Variants in ARHGEF28 observed in about 807,000 individuals in gnomAD.
ARHGEF28 encodes the protein Rho guanine nucleotide exchange factor 28.
Under a neutral mutation model 206.6 loss-of-function variants are expected in ARHGEF28, and 152 were observed. The observed-to-expected ratio is 0.74, with a 90% CI of 0.64 to 0.84. The LOEUF (loss-of-function observed/expected upper bound fraction) is 0.84, where lower values mean the gene tolerates loss of function less well. ARHGEF28 is among the 40% of genes least tolerant of loss of function. The probability of loss-of-function intolerance (pLI) is 0.00; values close to 1 mark genes in which losing one functional copy is unlikely to be tolerated. For synonymous variants in ARHGEF28, 763 were observed against 776.4 expected (o/e 0.98, Z 0.29); for missense variants, 2,028 against 2,073.2 (o/e 0.98, Z 0.42).
chr5:73,832,481 A>G (rs1466248468), intron 10 of ARHGEF28, 22 bp downstream of exon 10: 1 of 1,607,048 alleles, frequency 6.2e-7, no homozygotes, highest in African/African-American at 1.3e-5. Context: ...CTGACATTAC[A>G]GGATGATTTC....
chr5:73,731,678 T>C (rs1270574026), intron 2 of ARHGEF28, among the ~76,000 whole-genome samples: 1 of 152,200 alleles, frequency 6.6e-6, no homozygotes. Context: ...GCTTTTTGTA[T>C]TCATTACATG....
intron 35 of ARHGEF28, among the ~76,000 whole-genome samples, chr5:73,937,924 A>G (rs1460015621): frequency 6.6e-6 from 1 of 152,174 alleles, no homozygotes; most frequent in African/African-American, 2.4e-5. Context: ...TTCTAATTTC[A>G]AAGACAGACT....
chr5:73,689,395 T>G (rs1747676427), intron 2 of ARHGEF28, among the ~76,000 whole-genome samples: 1 of 152,134 alleles, frequency 6.6e-6, no homozygotes, highest in African/African-American at 2.4e-5. Context: ...CAGGCTGGAG[T>G]GCACTGGCAT....
intron 11 of ARHGEF28, among the ~76,000 whole-genome samples, chr5:73,841,313 CA>C (rs1757973998): frequency 6.6e-6 from 1 of 151,756 alleles, no homozygotes; most frequent in African/African-American, 2.4e-5. Flanking sequence ...CATGAAGGAA[CA>C]AAAAAAGCCC....
intron 18 of ARHGEF28, 55 bp from the exon 19 acceptor site, chr5:73,867,821 T>A: frequency 6.2e-7 from 1 of 1,610,140 alleles, no homozygotes; most frequent in South Asian, 1.1e-5. Context: ...AGTGACTACT[T>A]TTACTTGTAA....
intron 1 of ARHGEF28, among the ~76,000 whole-genome samples, chr5:73,653,538 C>T (rs947880387): frequency 6.6e-6 from 1 of 152,080 alleles, no homozygotes; most frequent in African/African-American, 2.4e-5. Context: ...GTGAGGAGAC[C>T]CTTGCTTATG....
At chr5:73,697,618 C>A (rs1748300050) in intron 2 of ARHGEF28, among the ~76,000 whole-genome samples, 1 of 152,114 alleles carries the variant, frequency 6.6e-6, no homozygotes, top group African/African-American at 2.4e-5. Context: ...CCCACAATAA[C>A]CCATTAATCA....
chr5:73,772,405 G>A (rs1008896970), intron 4 of ARHGEF28, among the ~76,000 whole-genome samples: 11 of 152,238 alleles, frequency 7.2e-5, no homozygotes, highest in African/African-American at 2.6e-4. Context: ...TTGAGACAGG[G>A]CCTCACTTTG....
chr5:73,664,514 A>G (rs988211228), intron 1 of ARHGEF28, among the ~76,000 whole-genome samples: 1 of 152,196 alleles, frequency 6.6e-6, no homozygotes, highest in African/African-American at 2.4e-5. Flanking sequence ...GGGGATAATA[A>G]TAGTAGGTAT....
chr5:73,795,323 T>C lies in ARHGEF28; in HGVS notation c.964-8T>C. ...TTTTAAAAATCCACCTGACTTTATC[T>C]CTTCCAGCGTGTCAAAAGCCTGGTG... On this transcript the variant is annotated splice_polypyrimidine_tract_variant and splice_region_variant and intron_variant, in intron 8 of 35. Coordinates refer to ENST00000513042, the MANE Select transcript of ARHGEF28 (RefSeq NM_001177693.2). 6.2e-7 allele frequency: 1 copy of C among 1,612,834 alleles called. No homozygotes were observed. The highest frequency in any genetic ancestry group is 8.5e-7 in the Non-Finnish European group (1 of 1,179,420).
At chr5:73,687,324 A>G (rs563083254) in intron 2 of ARHGEF28, among the ~76,000 whole-genome samples, 6 of 152,004 alleles carry the variant, frequency 3.9e-5, no homozygotes, top group Non-Finnish European at 5.9e-5. Context: ...TTTCTAGTAG[A>G]ATATTAAATG....
intron 1 of ARHGEF28, among the ~76,000 whole-genome samples, chr5:73,684,054 A>C (rs990488165): frequency 2.0e-5 from 3 of 152,186 alleles, no homozygotes; most frequent in Non-Finnish European, 4.4e-5. Flanking sequence ...TATAATTACT[A>C]TGATTTTTAA....
intron 2 of ARHGEF28, among the ~76,000 whole-genome samples, chr5:73,735,244 TAATTA>T (rs1348401257): frequency 4.0e-5 from 6 of 151,420 alleles, no homozygotes; most frequent in South Asian, 2.1e-4. Context: ...AAATTAAAAT[TAATTA>T]AATTAAATTA....
At chr5:73,820,650 C>T (rs62357745) in intron 9 of ARHGEF28, among the ~76,000 whole-genome samples, 19,523 of 152,180 alleles carry the variant, frequency 0.13, 1,342 homozygotes, top group African/African-American at 0.16. Flanking sequence ...GACTCTCTTC[C>T]CCTGGCTGCT....
At chr5:73,738,685 A>C (rs1203372648) in intron 2 of ARHGEF28, among the ~76,000 whole-genome samples, 1 of 152,206 alleles carries the variant, frequency 6.6e-6, no homozygotes, top group Non-Finnish European at 1.5e-5. Flanking sequence ...TTGGTGGTCC[A>C]CCATGAAATA....
In ARHGEF28 at chr5:73,909,569, TGCACCAGCTTCA is replaced by T. The variant is rs1290700856; in HGVS notation, c.4329_4340del (p.His1445_Gln1448del). ...AGGCAGCATGAGGAGCTGGCCAATG[TGCACCAGCTTCA>T]GCACCAGCTCCAGCAGGAGCAGCGG... On this transcript the variant is annotated inframe_deletion, in exon 34 of 36. Transcript: ENST00000513042. 5 of 1,568,468 alleles carry T rather than the reference TGCACCAGCTTCA, an allele frequency of 3.2e-6. No homozygotes were observed. Among genetic ancestry groups the T allele is most frequent in the Non-Finnish European group, 1.7e-6 (2 of 1,156,928 alleles).
At chr5:73,705,809 A>T (rs1748895218) in intron 2 of ARHGEF28, among the ~76,000 whole-genome samples, 1 of 152,182 alleles carries the variant, frequency 6.6e-6, no homozygotes, top group Non-Finnish European at 1.5e-5. Context: ...TTCATAGACC[A>T]TGTTGTCATC....
Position 73,816,050 on chromosome 5 carries a change from A to G in ARHGEF28, c.1025-16288A>G, listed in dbSNP as rs796850335. ...TAGAGCCTAAAGGGCCTTAGAGATG[A>G]TCTGGTCCAATTCCCTCATTTGACA... On this transcript the variant is annotated intron_variant, in intron 9 of 35. Coordinates refer to ENST00000513042, the MANE Select transcript of ARHGEF28 (RefSeq NM_001177693.2). Among the ~76,000 whole-genome samples, 37 of 152,192 alleles carry G rather than the reference A, an allele frequency of 2.4e-4. 1 individual carries two copies. The highest frequency in any genetic ancestry group is 8.7e-4 in the African/African-American group (36 of 41,530).
chr5:73,722,388 A>G (rs1304550199), intron 2 of ARHGEF28, among the ~76,000 whole-genome samples: 1 of 152,268 alleles, frequency 6.6e-6, no homozygotes, highest in African/African-American at 2.4e-5. Context: ...GCTATTTACC[A>G]GATGTCCTGG....
Sources: allele counts gnomAD v4.1 joint callset (sites outside exome capture counted in the v4.1 genomes callset), GRCh38; gene constraint gnomAD v4.1.1; transcripts MANE v1.5; gene names NCBI Gene and HGNC (gene_info 2026-07-23, HGNC 2026-07-21).